NRG1: variants seen among roughly 807,000 people sequenced by gnomAD.
The protein encoded by NRG1 is pro-neuregulin-1, membrane-bound isoform.
Under a neutral mutation model 63.8 loss-of-function variants are expected in NRG1, and 18 were observed. That is an observed-to-expected ratio of 0.28 (90% CI 0.19 to 0.42). NRG1 has a LOEUF of 0.42. NRG1 is among the 10% of genes least tolerant of loss of function. NRG1 has a pLI of 1.00. For missense variants in NRG1, 762 were observed against 814.7 expected, an observed-to-expected ratio of 0.94 and a Z score of 0.79; for synonymous variants, 302 against 301.3, an observed-to-expected ratio of 1.00 and a Z score of -0.02.
At chr8:31,822,870 G>C (rs541123100) in intron 1 of NRG1, among the ~76,000 whole-genome samples, 3 of 152,104 alleles carry the variant, frequency 2.0e-5, no homozygotes, top group African/African-American at 7.2e-5. Flanking sequence ...TTCAGGCAAG[G>C]TTTTGCCATC....
chr8:32,221,038 C>T (rs924693004), intron 1 of NRG1: 3 of 152,172 alleles, frequency 2.0e-5, no homozygotes, highest in Non-Finnish European at 1.5e-5. Context: ...GTTGGTAGGG[C>T]GGCTGTCAAT....
At chr8:31,930,781 T>C (rs1464486158) in intron 1 of NRG1, among the ~76,000 whole-genome samples, 1 of 152,204 alleles carries the variant, frequency 6.6e-6, no homozygotes. Flanking sequence ...CTGACTTTTT[T>C]AGGGCAACTT....
At chr8:32,213,769 T>C (rs1490978347) in intron 1 of NRG1, among the ~76,000 whole-genome samples, 1 of 152,108 alleles carries the variant, frequency 6.6e-6, no homozygotes, top group Non-Finnish European at 1.5e-5. Flanking sequence ...GGCTGGGGCT[T>C]TGTAAATTGG....
chr8:31,821,744 A>C (rs1306750796), intron 1 of NRG1, among the ~76,000 whole-genome samples: 1 of 152,200 alleles, frequency 6.6e-6, no homozygotes, highest in Admixed American at 6.5e-5. Context: ...CGGGAATCCA[A>C]ACACACTTAT....
At chr8:31,717,431 A>G (rs1324943813) in intron 1 of NRG1, among the ~76,000 whole-genome samples, 2 of 146,940 alleles carry the variant, frequency 1.4e-5, no homozygotes, top group African/African-American at 4.9e-5. Flanking sequence ...AAAAAAAAAG[A>G]AAAACAAAAA....
chr8:32,766,882 T>C (rs902738941), exon 12 of NRG1: 2 of 152,148 alleles, frequency 1.3e-5, no homozygotes, highest in African/African-American at 4.8e-5. Flanking sequence ...GTGATGCTTG[T>C]CACATCACTC....
In NRG1 at chr8:32,177,222, G is replaced by A. The variant is rs1336677676; in HGVS notation, c.38-418606G>A. Among the ~76,000 whole-genome samples the A allele has an allele frequency of 6.6e-5, 10 of 151,170 alleles. No homozygotes were observed. The East Asian group carries it at 1.0e-3, about 15-fold the overall frequency. On this transcript the variant is annotated intron_variant, in intron 1 of 10. Coordinates refer to the NRG1 transcript ENST00000519301. ...AAACCATCATTCTCAGCAAACTATC[G>A]CAAGGACAAAGAACCAAACACCACA... is the stretch of plus-strand genomic sequence containing the variant.
chr8:31,994,975 A>T (rs1811723242), intron 1 of NRG1, among the ~76,000 whole-genome samples: 1 of 152,012 alleles, frequency 6.6e-6, no homozygotes, highest in Admixed American at 6.6e-5. Flanking sequence ...TAGTGTTTCA[A>T]GTATTGAATT....
intron 1 of NRG1, among the ~76,000 whole-genome samples, chr8:31,931,843 G>A (rs1834890491): frequency 6.6e-6 from 1 of 152,138 alleles, no homozygotes; most frequent in South Asian, 2.1e-4. Flanking sequence ...GTGAACAGCT[G>A]CGGTTCTTGC....
At chr8:32,337,701 G>A (rs1803496023) in intron 1 of NRG1, among the ~76,000 whole-genome samples, 1 of 72,862 alleles carries the variant, frequency 1.4e-5, no homozygotes, top group South Asian at 4.9e-4. Flanking sequence ...AGTTAGGAAA[G>A]GGAAGCCTGA....
chr8:31,757,240 T>C lies in NRG1; in HGVS notation c.37+117809T>C, dbSNP rs770247725. On this transcript the variant is annotated intron_variant, in intron 1 of 10. Transcript: ENST00000519301. ...CAAAAGGTGGGTAAAGATAAGGAGA[T>C]GAAAAAAATGTTGCTTAAGTTTTTG... Among the ~76,000 whole-genome samples, 17 of 152,236 alleles carry C rather than the reference T, an allele frequency of 1.1e-4. No individual in the cohort carries two copies. The South Asian group carries it at 1.4e-3, about 13-fold the overall frequency.
chr8:31,718,264 A>T (rs1250128821), intron 1 of NRG1, among the ~76,000 whole-genome samples: 1 of 152,130 alleles, frequency 6.6e-6, no homozygotes, highest in Non-Finnish European at 1.5e-5. Flanking sequence ...TATAGATAAG[A>T]ATTCTACATC....
chr8:31,651,948 T>C (rs1219664249), intron 1 of NRG1, among the ~76,000 whole-genome samples: 1 of 152,216 alleles, frequency 6.6e-6, no homozygotes, highest in African/African-American at 2.4e-5. Context: ...TGGTAACTTA[T>C]GTCCTACAAA....
intron 1 of NRG1, among the ~76,000 whole-genome samples, chr8:31,806,677 C>A (rs1234001261): frequency 1.3e-5 from 2 of 152,096 alleles, no homozygotes; most frequent in African/African-American, 4.8e-5. Context: ...TCCAAATGAC[C>A]ATTAATCATA....
chr8:32,201,468 A>G (rs916434248), intron 1 of NRG1, among the ~76,000 whole-genome samples: 3 of 152,234 alleles, frequency 2.0e-5, no homozygotes, highest in African/African-American at 4.8e-5. Context: ...ACTCTGAGTC[A>G]AAATAATTTG....
chr8:32,165,220 C>G (rs1328309715), intron 1 of NRG1, among the ~76,000 whole-genome samples: 1 of 151,888 alleles, frequency 6.6e-6, no homozygotes, highest in Non-Finnish European at 1.5e-5. Context: ...TTCACTGCAG[C>G]CTTGAACTCC....
chr8:32,187,882 G>A (rs1297670808), intron 1 of NRG1, among the ~76,000 whole-genome samples: 1 of 152,174 alleles, frequency 6.6e-6, no homozygotes, highest in South Asian at 2.1e-4. Flanking sequence ...GCCTGCACTT[G>A]GGGCAACATG....
chr8:32,229,973 T>G (rs946425374), intron 1 of NRG1, among the ~76,000 whole-genome samples: 18 of 152,210 alleles, frequency 1.2e-4, no homozygotes, highest in African/African-American at 4.3e-4. Context: ...TCTTTGACCT[T>G]CCTGTCCCTA....
chr8:31,933,809 T>A (rs1835059386), intron 1 of NRG1, among the ~76,000 whole-genome samples: 2 of 152,216 alleles, frequency 1.3e-5, no homozygotes, highest in African/African-American at 2.4e-5. Flanking sequence ...CTTCTGTCTC[T>A]GTAAGTTACC....
Sources: allele counts gnomAD v4.1 joint callset (sites outside exome capture counted in the v4.1 genomes callset), GRCh38; gene constraint gnomAD v4.1.1; transcripts MANE v1.5; gene names NCBI Gene and HGNC (gene_info 2026-07-23, HGNC 2026-07-21).